The following ARFGEF2 variants were observed in gnomAD, a reference collection of about 807,000 sequenced individuals.
ARFGEF2 encodes the protein ARF guanine nucleotide exchange factor 2.
ARFGEF2 carries 74 observed loss-of-function variants against 219.9 expected under a neutral mutation model. That is an observed-to-expected ratio of 0.34 (90% CI 0.28 to 0.41). The LOEUF (loss-of-function observed/expected upper bound fraction) is 0.41. Ranked by LOEUF, ARFGEF2 falls within the 10% of genes least tolerant of loss-of-function variation. The probability of loss-of-function intolerance (pLI) is 1.00; values close to 1 mark genes in which losing one functional copy is unlikely to be tolerated. For missense variants in ARFGEF2, 1,743 were observed against 2,218.3 expected, an observed-to-expected ratio of 0.79 and a Z score of 4.30; for synonymous variants, 733 against 799.2, an observed-to-expected ratio of 0.92 and a Z score of 1.40.
intron 1 of ARFGEF2, among the ~76,000 whole-genome samples, chr20:48,929,158 G>GA (rs1230365554): frequency 6.6e-6 from 1 of 152,202 alleles, no homozygotes; most frequent in Non-Finnish European, 1.5e-5. Context: ...GGTTATCCTA[G>GA]AAAAAATAGT....
At chr20:48,982,419 C>T (rs958197795) in intron 14 of ARFGEF2, among the ~76,000 whole-genome samples, 10 of 152,156 alleles carry the variant, frequency 6.6e-5, no homozygotes, top group African/African-American at 1.7e-4. Context: ...GTCAGTCGGC[C>T]CTTTCTGGGA....
intron 6 of ARFGEF2, 44 bp downstream of exon 6, chr20:48,953,834 G>A (rs1600605189): frequency 6.4e-7 from 1 of 1,569,544 alleles, no homozygotes; most frequent in Non-Finnish European, 8.7e-7. Flanking sequence ...GTGTGAGAGG[G>A]AATCAGCCTG....
intron 20 of ARFGEF2, among the ~76,000 whole-genome samples, 195 bp downstream of exon 20, chr20:48,989,879 C>T (rs577934589): frequency 1.3e-5 from 2 of 152,262 alleles, no homozygotes; most frequent in Middle Eastern, 3.4e-3. Flanking sequence ...CGGATTAAAA[C>T]TGTCTTTAAG....
chr20:49,009,970 G>C (rs938012083), intron 26 of ARFGEF2, among the ~76,000 whole-genome samples: 5 of 152,172 alleles, frequency 3.3e-5, no homozygotes, highest in Non-Finnish European at 5.9e-5. Flanking sequence ...TGAGACCCAG[G>C]CTTTTTCCTT....
chr20:48,964,832 C>T lies in ARFGEF2; in HGVS notation c.907+934C>T, dbSNP rs543118365. Among the ~76,000 whole-genome samples, 37 of 152,188 alleles carry T rather than the reference C, an allele frequency of 2.4e-4. 1 individual carries two copies. In the South Asian group the frequency reaches 6.6e-3, roughly 27 times the overall value. On this transcript the variant is annotated intron_variant, in intron 7 of 38. Transcript: ENST00000371917. ...AATCAAAATCTTAATGGGTTTTCAT[C>T]AGCTTTTTTTTAAATGAAAGAGAGT...
intron 12 of ARFGEF2, among the ~76,000 whole-genome samples, chr20:48,974,167 C>G (rs968117825): frequency 2.2e-5 from 3 of 133,990 alleles, no homozygotes; most frequent in African/African-American, 8.4e-5. Context: ...ACTCTGTCAC[C>G]CAGGCTGGAG....
intron 6 of ARFGEF2, 60 bp downstream of exon 6, chr20:48,953,850 G>A: frequency 6.8e-7 from 1 of 1,477,660 alleles, no homozygotes; most frequent in Non-Finnish European, 9.4e-7. Context: ...GCCTGTGAGG[G>A]GCAGAAGAAG....
rs3752257 is a variant in ARFGEF2, at chr20:49,033,436, A to G, written c.*237A>G. On this transcript the variant is annotated 3_prime_UTR_variant, in exon 39 of 39. Coordinates refer to ENST00000371917, the MANE Select transcript of ARFGEF2 (RefSeq NM_006420.3). ...TAGGTGGGGAGTCTGCTTCATTTCT[A>G]TCATTCCATTTTTCTGATTAAACTG... The G allele has an allele frequency of 0.023, 12,108 of 526,372 alleles. 376 individuals carry two copies. Among genetic ancestry groups the G allele is most frequent in the South Asian group, 0.083 (3,354 of 40,440 alleles). The allele number at this position is 526,372 out of a possible 1,614,324, so 32.6% of individuals were successfully genotyped here.
chr20:48,994,103 G>T (rs1331783563), intron 21 of ARFGEF2, among the ~76,000 whole-genome samples: 2 of 152,162 alleles, frequency 1.3e-5, no homozygotes, highest in Non-Finnish European at 2.9e-5. Flanking sequence ...AACATTCCAG[G>T]CATAAGGAAC....
Position 48,953,658 on chromosome 20 carries a change from A to G in ARFGEF2, c.706A>G (p.Ser236Gly), listed in dbSNP as rs1017267898. ...CCCAAAGTTCGTTCGTTTGAAGCAC[A>G]GTCAGGCACAAAGCAAACCAACAAC... ...VSPKFVRLKHSQAQSKPTTPE... is the reference protein window; with the variant it reads ...VSPKFVRLKHGQAQSKPTTPE... Residue 236 changes from serine to glycine, a missense_variant, in exon 6 of 39, where the codon AGT becomes GGT. By Grantham distance (56) the Ser-to-Gly change is moderately conservative. Transcript: ENST00000371917. The G allele has an allele frequency of 6.2e-7, 1 of 1,614,234 alleles. No individual in the cohort carries two copies. Among genetic ancestry groups the G allele is most frequent in the Admixed American group, 1.7e-5 (1 of 60,024 alleles).
intron 35 of ARFGEF2, among the ~76,000 whole-genome samples, chr20:49,023,936 C>G (rs1360138304): frequency 6.6e-6 from 1 of 151,932 alleles, no homozygotes; most frequent in African/African-American, 2.4e-5. Context: ...TTTCTATATG[C>G]AACTTTCTAC....
rs556023874 is a variant in ARFGEF2 at position 48,946,896 on chromosome 20, G to A, written c.277-4427G>A. On this transcript the variant is annotated intron_variant, in intron 3 of 38. Coordinates refer to ENST00000371917, the MANE Select transcript of ARFGEF2 (RefSeq NM_006420.3). Reference sequence around the variant, plus strand: ...AGCTCACTGCAGCCTCAAACTCCTGGACTCATGTAATCCTCCCACCTCAGC... The same window carrying A: ...AGCTCACTGCAGCCTCAAACTCCTGAACTCATGTAATCCTCCCACCTCAGC... Among the ~76,000 whole-genome samples, 15 of 152,028 alleles carry A rather than the reference G, an allele frequency of 9.9e-5. No individual in the cohort carries two copies. In the South Asian group the frequency reaches 3.1e-3, roughly 32 times the overall value.
At chr20:48,942,456 C>T (rs2090998690) in intron 3 of ARFGEF2, among the ~76,000 whole-genome samples, 1 of 148,590 alleles carries the variant, frequency 6.7e-6, no homozygotes, top group Non-Finnish European at 1.5e-5. Context: ...CCTGGCTCAG[C>T]CTTTCTTTCT....
intron 16 of ARFGEF2, among the ~76,000 whole-genome samples, chr20:48,987,818 C>G (rs746621788): frequency 6.6e-6 from 1 of 152,144 alleles, no homozygotes; most frequent in Non-Finnish European, 1.5e-5. Flanking sequence ...GAGACAGTCT[C>G]GCTCTGTCAC....
At chr20:49,032,454 A>G (rs1416385669) in intron 38 of ARFGEF2, among the ~76,000 whole-genome samples, 1 of 152,170 alleles carries the variant, frequency 6.6e-6, no homozygotes, top group Non-Finnish European at 1.5e-5. Flanking sequence ...AGAGAGGGTT[A>G]AGATTGTGAA....
In ARFGEF2 at chr20:48,962,135, G is replaced by T. The variant is rs1185682823; in HGVS notation, c.839-1695G>T. On this transcript the variant is annotated intron_variant, in intron 6 of 38. Coordinates refer to ENST00000371917, the MANE Select transcript of ARFGEF2 (RefSeq NM_006420.3). Reference sequence around the variant, plus strand: ...GCGGAGGCTGTAGTGAGCTGGGATTGCTCCATTGCACTCCAGCCTGGGCAA... The same window carrying T: ...GCGGAGGCTGTAGTGAGCTGGGATTTCTCCATTGCACTCCAGCCTGGGCAA... 3.9e-5 allele frequency among the ~76,000 whole-genome samples: 6 copies of T among 152,306 alleles called. 1 individual carries two copies. Among genetic ancestry groups the T allele is most frequent in the Admixed American group, 3.9e-4 (6 of 15,300 alleles).
chr20:48,984,829 C>T lies in ARFGEF2; in HGVS notation c.2059C>T (p.Arg687Cys). ...AGCCCAATTCCTGCACCAGGAGGAG[C>T]GCCTGGATTCCGTAAGGCTTGGGGG... ...DIAQFLHQEERLDSTQVGDFL... is the reference protein window; with the variant it reads ...DIAQFLHQEECLDSTQVGDFL... The change falls in exon 15 of 39, where the codon CGC becomes TGC. Residue 687 changes from arginine to cysteine, a missense_variant. This residue lies in a region of ARFGEF2 where 666 missense variants were observed against 955.4 expected (regional missense o/e 0.70). Transcript: ENST00000371917. 2.5e-6 allele frequency: 4 copies of T among 1,612,574 alleles called. No individual in the cohort carries two copies. Among genetic ancestry groups the T allele is most frequent in the African/African-American group, 1.3e-5 (1 of 74,958 alleles).
chr20:49,007,040 G>A (rs2091465409), intron 26 of ARFGEF2, among the ~76,000 whole-genome samples: 1 of 152,118 alleles, frequency 6.6e-6, no homozygotes, highest in Admixed American at 6.6e-5. Context: ...GGATCACCCT[G>A]CATTTATCCA....
chr20:48,992,514 C>T (rs1825402509), intron 21 of ARFGEF2, among the ~76,000 whole-genome samples: 1 of 152,132 alleles, frequency 6.6e-6, no homozygotes, highest in African/African-American at 2.4e-5. Context: ...ATTTGGGGCT[C>T]CACCTCTTCC....
Sources: allele counts gnomAD v4.1 joint callset (sites outside exome capture counted in the v4.1 genomes callset), GRCh38; gene constraint gnomAD v4.1.1; regional missense constraint gnomAD v4.1.1; transcripts MANE v1.5; gene names NCBI Gene and HGNC (gene_info 2026-07-23, HGNC 2026-07-21).